Variants in CUX1 observed in about 807,000 individuals in gnomAD.
CUX1 encodes cut like homeobox 1.
CUX1 carries 31 observed loss-of-function variants against 158.8 expected under a neutral mutation model. That is an observed-to-expected ratio of 0.20 (90% CI 0.15 to 0.26). The LOEUF is 0.26. Ranked by LOEUF, CUX1 falls within the 10% of genes least tolerant of loss-of-function variation. The probability of loss-of-function intolerance (pLI) is 1.00; values close to 1 mark genes in which losing one functional copy is unlikely to be tolerated. For synonymous variants in CUX1, 879 were observed against 862.1 expected (o/e 1.02, Z -0.34); for missense variants, 1,589 against 2,014.6 (o/e 0.79, Z 4.04).
At chr7:102,167,537 C>T (rs1554509190) in intron 9 of CUX1, among the ~76,000 whole-genome samples, 1 of 152,168 alleles carries the variant, frequency 6.6e-6, no homozygotes, top group African/African-American at 2.4e-5. Flanking sequence ...TTGGCTGCCA[C>T]CAGAACAGCT....
At chr7:102,226,600 C>T (rs1342572273) in intron 20 of CUX1, among the ~76,000 whole-genome samples, 1 of 151,988 alleles carries the variant, frequency 6.6e-6, no homozygotes, top group Non-Finnish European at 1.5e-5. Flanking sequence ...GGACCAGAAG[C>T]TATAGCCTTA....
chr7:101,835,856 C>G (rs913582834), intron 1 of CUX1, among the ~76,000 whole-genome samples: 2 of 152,218 alleles, frequency 1.3e-5, no homozygotes, highest in East Asian at 3.8e-4. Context: ...CTGCCTCAGC[C>G]TCCTGAGTAG....
intron 20 of CUX1, among the ~76,000 whole-genome samples, chr7:102,225,215 T>C (rs1798225689): frequency 6.6e-6 from 1 of 152,232 alleles, no homozygotes; most frequent in African/African-American, 2.4e-5. Context: ...TTTTTCTCTT[T>C]GTAACCTGAT....
At chr7:101,935,576 G>A (rs941248682) in intron 2 of CUX1, among the ~76,000 whole-genome samples, 48 of 152,214 alleles carry the variant, frequency 3.2e-4, no homozygotes, top group Non-Finnish European at 3.4e-4. Flanking sequence ...TGGGGAGGTT[G>A]GCATGGTATC....
rs988563295 is a variant in CUX1, at chr7:102,082,398, C to T, written c.268+11981C>T. ...AAAAATTAGCTGGTGTAATGGCAGG[C>T]GCCTGTAATCCCAGCTACTCAGGAG... On this transcript the variant is annotated intron_variant, in intron 4 of 23. Coordinates refer to ENST00000292535, the MANE Select transcript of CUX1 (RefSeq NM_181552.4). Among the ~76,000 whole-genome samples, 5 of 146,480 alleles carry T rather than the reference C, an allele frequency of 3.4e-5. 2 individuals carry two copies. The highest frequency in any genetic ancestry group is 7.3e-5 in the African/African-American group (3 of 40,984).
In CUX1 at chr7:102,253,387, C is replaced by T. The variant is rs1396131156; in HGVS notation, c.*4345C>T. The T allele has an allele frequency of 1.2e-5, 12 of 985,372 alleles. No homozygotes were observed. Among genetic ancestry groups the T allele is most frequent in the East Asian group, 1.1e-4 (1 of 8,822 alleles). The allele number at this position is 985,372 out of a possible 1,614,324, so 61.0% of individuals were successfully genotyped here. ...TCGGCTGACTACTTTAAGATTATGC[C>T]ACAGCCAGGCCCTAAAAAGAGAGGG... On this transcript the variant is annotated 3_prime_UTR_variant, in exon 24 of 24. Transcript: ENST00000292535.
At chr7:102,178,416 G>A (rs782044993) in intron 10 of CUX1, 53 bp from the exon 11 acceptor site, 29 of 1,520,332 alleles carry the variant, frequency 1.9e-5, no homozygotes, top group East Asian at 1.1e-4. Flanking sequence ...AGGTAGCCTC[G>A]AGCACCCGCC....
intron 2 of CUX1, among the ~76,000 whole-genome samples, chr7:101,981,368 C>G (rs966710527): frequency 1.3e-5 from 2 of 152,142 alleles, no homozygotes; most frequent in East Asian, 3.9e-4. Context: ...GAGTGGCTGG[C>G]ATGTAGCAGG....
rs558025528 is a variant in CUX1 at position 102,189,690 on chromosome 7, C to T, written c.1018-123C>T. On this transcript the variant is annotated intron_variant, in intron 11 of 23. Transcript: ENST00000292535. ...AAAGATGGCCCCAGCACCGTTGACT[C>T]CATTCGCAAGGGCTGGCTTCCCCTC... The T allele has an allele frequency of 8.9e-4, 907 of 1,015,354 alleles. 1 individual carries two copies. The highest frequency in any genetic ancestry group is 1.7e-3 in the Middle Eastern group (6 of 3,636). The allele number at this position is 1,015,354 out of a possible 1,614,324, so 62.9% of individuals were successfully genotyped here. A position where few individuals can be genotyped will look rare whatever the true frequency, so the allele number is the denominator to read the frequency against.
chr7:101,951,462 G>A (rs1279209492), intron 2 of CUX1, among the ~76,000 whole-genome samples: 2 of 151,796 alleles, frequency 1.3e-5, no homozygotes, highest in African/African-American at 2.4e-5. Context: ...GCTGAACATC[G>A]ATCAACCCAG....
intron 8 of CUX1, among the ~76,000 whole-genome samples, chr7:102,133,854 G>A (rs765719411): frequency 3.3e-5 from 5 of 152,138 alleles, no homozygotes; most frequent in South Asian, 2.1e-4. Flanking sequence ...CCCCCACACC[G>A]GGGTAATTGC....
At chr7:101,879,194 C>G (rs567621035) in intron 1 of CUX1, among the ~76,000 whole-genome samples, 31 of 152,194 alleles carry the variant, frequency 2.0e-4, no homozygotes, top group African/African-American at 7.5e-4. Context: ...GATCTGAGCC[C>G]AGGAGGAGTC....
In CUX1 at chr7:102,045,816, C is replaced by A. The variant is rs187590568; in HGVS notation, c.189+17671C>A. On this transcript the variant is annotated intron_variant, in intron 3 of 23. Transcript: ENST00000292535. ...TGGTAGATTTCTTGGATGTTTACAG[C>A]TCGAACTCGGGCAGAGTGGGCCTTC... Among the ~76,000 whole-genome samples the A allele has an allele frequency of 3.0e-4, 45 of 152,316 alleles. No homozygotes were observed. The East Asian group carries it at 7.9e-3, about 27-fold the overall frequency.
At chr7:101,835,447 G>A (rs557310618) in intron 1 of CUX1, among the ~76,000 whole-genome samples, 23 of 152,196 alleles carry the variant, frequency 1.5e-4, no homozygotes, top group South Asian at 1.5e-3. Context: ...TGTGAATAAC[G>A]CTGCTGTGAA....
At chr7:102,115,440 G>A (rs1351498193) in intron 8 of CUX1, 167 bp downstream of exon 8, 2 of 533,438 alleles carry the variant, frequency 3.7e-6, no homozygotes, top group Non-Finnish European at 6.5e-6. Flanking sequence ...CACTCACTGG[G>A]TAATCCTTCC....
At chr7:101,936,529 C>T (rs945740065) in intron 2 of CUX1, among the ~76,000 whole-genome samples, 9 of 152,076 alleles carry the variant, frequency 5.9e-5, no homozygotes, top group African/African-American at 1.7e-4. Flanking sequence ...GGAGTTTTCC[C>T]GGATACATAG....
intron 14 of CUX1, among the ~76,000 whole-genome samples, chr7:102,270,487 C>T (rs1009639466): frequency 6.6e-6 from 1 of 152,166 alleles, no homozygotes; most frequent in Non-Finnish European, 1.5e-5. Context: ...TCTCTGTCCA[C>T]CCCCCTCTAC....
chr7:102,091,273 C>T (rs1238665260), intron 4 of CUX1, among the ~76,000 whole-genome samples: 1 of 152,166 alleles, frequency 6.6e-6, no homozygotes, highest in Non-Finnish European at 1.5e-5. Flanking sequence ...TAGCCATTTA[C>T]CATCACAAAA....
Position 102,251,297 on chromosome 7 carries a change from C to T in CUX1, c.*2255C>T, listed in dbSNP as rs1801481421. ...TAAAGGTATGCTCTGGCTGTTCCAC[C>T]TCCGTGTGCTTGTTAATTAACTTGT... On this transcript the variant is annotated 3_prime_UTR_variant, in exon 24 of 24. Transcript: ENST00000292535. The T allele has an allele frequency of 1.4e-5, 14 of 985,206 alleles. No homozygotes were observed. The highest frequency in any genetic ancestry group is 1.7e-5 in the Non-Finnish European group (14 of 829,896). The allele number at this position is 985,206 out of a possible 1,614,324, so 61.0% of individuals were successfully genotyped here.
Sources: gnomAD v4.1 joint callset for allele counts (sites outside exome capture counted in the v4.1 genomes callset) on GRCh38, gnomAD v4.1.1 for gene constraint, MANE v1.5 for transcripts, NCBI Gene and HGNC (gene_info 2026-07-23, HGNC 2026-07-21) for gene names.